CFAP54: variants seen among roughly 807,000 people sequenced by gnomAD.
The protein encoded by CFAP54 is cilia- and flagella-associated protein 54.
CFAP54 carries 290 observed loss-of-function variants against 370.4 expected under a neutral mutation model. The ratio of observed to expected loss-of-function variants is 0.78; its 90% CI spans 0.71 to 0.86. The LOEUF is 0.86. CFAP54 is among the 40% of genes least tolerant of loss of function. CFAP54 has a pLI of 0.00. For synonymous variants in CFAP54, 1,206 were observed against 1,236.5 expected (o/e 0.98, Z 0.52); for missense variants, 3,399 against 3,528.7 (o/e 0.96, Z 0.93).
At chr12:96,579,212 T>G (rs1956008765) in intron 20 of CFAP54, among the ~76,000 whole-genome samples, 1 of 152,026 alleles carries the variant, frequency 6.6e-6, no homozygotes, top group Non-Finnish European at 1.5e-5. Context: ...TACCCTATTC[T>G]CCAGCTTCAG....
At chr12:96,612,136 G>A (rs1214967759) in intron 26 of CFAP54, among the ~76,000 whole-genome samples, 1 of 151,900 alleles carries the variant, frequency 6.6e-6, no homozygotes, top group Non-Finnish European at 1.5e-5. Context: ...TTAAGCCAGA[G>A]AGAAAGGTAG....
At chr12:96,763,702 C>G (rs939700102) in intron 58 of CFAP54, among the ~76,000 whole-genome samples, 3 of 152,090 alleles carry the variant, frequency 2.0e-5, no homozygotes, top group Non-Finnish European at 4.4e-5. Flanking sequence ...TTGTTTGAAC[C>G]TGGGAGGCAG....
At chr12:96,737,096 A>G (rs1957987868) in intron 50 of CFAP54, among the ~76,000 whole-genome samples, 1 of 152,208 alleles carries the variant, frequency 6.6e-6, no homozygotes, top group Non-Finnish European at 1.5e-5. Flanking sequence ...TTCAGATTTC[A>G]GATTTTTGGG....
chr12:96,768,586 A>G (rs1351664761), intron 60 of CFAP54, among the ~76,000 whole-genome samples: 2 of 151,280 alleles, frequency 1.3e-5, no homozygotes, highest in Admixed American at 1.3e-4. Context: ...CCTGGGAGGC[A>G]GAGGTTGCAG....
chr12:96,742,158 A>G (rs1206589609), intron 51 of CFAP54, among the ~76,000 whole-genome samples: 2 of 152,240 alleles, frequency 1.3e-5, no homozygotes, highest in African/African-American at 2.4e-5. Flanking sequence ...TGCAGTGAGA[A>G]ATTCACACTG....
intron 67 of CFAP54, among the ~76,000 whole-genome samples, chr12:96,873,879 G>A (rs1005836100): frequency 1.3e-5 from 2 of 152,152 alleles, no homozygotes; most frequent in Non-Finnish European, 2.9e-5. Context: ...ACCAGGCAGT[G>A]GTCCAGATTT....
At chr12:96,871,300 A>T (rs1321312818) in intron 67 of CFAP54, among the ~76,000 whole-genome samples, 1 of 152,212 alleles carries the variant, frequency 6.6e-6, no homozygotes, top group Non-Finnish European at 1.5e-5. Flanking sequence ...GACTTAATAA[A>T]TTATTTGTGC....
chr12:96,806,973 T>C (rs56802961), intron 63 of CFAP54, among the ~76,000 whole-genome samples: 4,697 of 152,246 alleles, frequency 0.031, 239 homozygotes, highest in African/African-American at 0.1. Context: ...TGCATTTTAA[T>C]AGTAACTCCC....
chr12:96,843,544 A>G (rs1291429920), intron 66 of CFAP54, among the ~76,000 whole-genome samples: 1 of 152,252 alleles, frequency 6.6e-6, no homozygotes, highest in Non-Finnish European at 1.5e-5. Flanking sequence ...AATAAGCACC[A>G]AATCTCAGTG....
At chr12:96,571,442 G>A (rs958182252) in intron 19 of CFAP54, among the ~76,000 whole-genome samples, 1 of 152,150 alleles carries the variant, frequency 6.6e-6, no homozygotes, top group Non-Finnish European at 1.5e-5. Flanking sequence ...CCCGTGATAG[G>A]TAAAGGCTTA....
At chr12:96,496,735 T>G (rs1348071971) in intron 1 of CFAP54, among the ~76,000 whole-genome samples, 6 of 152,172 alleles carry the variant, frequency 3.9e-5, no homozygotes, top group Non-Finnish European at 1.5e-5. Context: ...CAGTCTTATC[T>G]AGAAATTTAT....
intron 39 of CFAP54, among the ~76,000 whole-genome samples, chr12:96,669,003 C>T (rs1254934991): frequency 1.3e-5 from 2 of 152,090 alleles, no homozygotes; most frequent in Non-Finnish European, 2.9e-5. Context: ...AGATTTGTTG[C>T]CCAGGAGTTT....
intron 66 of CFAP54, among the ~76,000 whole-genome samples, chr12:96,842,150 C>CT (rs1015471469): frequency 6.6e-6 from 1 of 151,984 alleles, no homozygotes; most frequent in Non-Finnish European, 1.5e-5. Context: ...TAATATGTAT[C>CT]TTTTTTTGGT....
At chr12:96,859,150 T>TG (rs1959796472) in intron 66 of CFAP54, among the ~76,000 whole-genome samples, 1 of 152,068 alleles carries the variant, frequency 6.6e-6, no homozygotes, top group African/African-American at 2.4e-5. Flanking sequence ...AAAAAAGCAA[T>TG]GGGGAAAAGG....
intron 39 of CFAP54, among the ~76,000 whole-genome samples, chr12:96,671,928 AAGAGAGAGAG>A (rs376205736): frequency 6.7e-6 from 1 of 149,996 alleles, no homozygotes; most frequent in Admixed American, 6.6e-5. Context: ...TATCTCAAAA[AAGAGAGAGAG>A]AGAGAGAGAG....
intron 45 of CFAP54, among the ~76,000 whole-genome samples, chr12:96,694,535 C>T (rs1339000101): frequency 1.3e-5 from 2 of 152,040 alleles, no homozygotes; most frequent in Admixed American, 1.3e-4. Context: ...TATATTCACC[C>T]TTTTTTCTAT....
intron 46 of CFAP54, among the ~76,000 whole-genome samples, chr12:96,701,945 T>C (rs1323680510): frequency 4.6e-5 from 7 of 152,106 alleles, no homozygotes; most frequent in Admixed American, 3.9e-4. Flanking sequence ...GGGAAGAGGC[T>C]GTGGGTGGGC....
intron 63 of CFAP54, among the ~76,000 whole-genome samples, chr12:96,799,446 GTAGCT>G (rs1958800140): frequency 6.6e-6 from 1 of 152,084 alleles, no homozygotes; most frequent in African/African-American, 2.4e-5. Flanking sequence ...TGCGCCTCTG[GTAGCT>G]TCTGCAACTC....
intron 31 of CFAP54, among the ~76,000 whole-genome samples, 153 bp from the exon 32 acceptor site, chr12:96,630,397 CA>C (rs1956594150): frequency 6.6e-6 from 1 of 151,788 alleles, no homozygotes; most frequent in Admixed American, 6.6e-5. Context: ...TTTTTGTCTA[CA>C]GGGGTACTTC....
Sources: gnomAD v4.1 joint callset for allele counts (sites outside exome capture counted in the v4.1 genomes callset) on GRCh38, gnomAD v4.1.1 for gene constraint, MANE v1.5 for transcripts, NCBI Gene and HGNC (gene_info 2026-07-23, HGNC 2026-07-21) for gene names.